ZDHHC11B: variants seen among roughly 807,000 people sequenced by gnomAD.
The protein encoded by ZDHHC11B is zDHHC palmitoyltransferase 11B (putative), also known as probable palmitoyltransferase ZDHHC11B.
Under a neutral mutation model 42.3 loss-of-function variants are expected in ZDHHC11B, and 17 were observed. The ratio of observed to expected loss-of-function variants is 0.40; its 90% CI spans 0.27 to 0.60. The LOEUF (loss-of-function observed/expected upper bound fraction) is 0.60. Among genes scored for constraint, ZDHHC11B ranks in the 20% least tolerant of loss-of-function variants. The pLI is 0.41. For missense variants in ZDHHC11B, 262 were observed against 463.2 expected (o/e 0.57, Z 3.99); for synonymous variants, 123 against 193.5 (o/e 0.64, Z 3.02).
chr5:749,420 G>C (rs1212698368), intron 7 of ZDHHC11B, among the ~76,000 whole-genome samples: 1 of 130,290 alleles, frequency 7.7e-6, no homozygotes, highest in South Asian at 3.3e-4. Flanking sequence ...CAGTGTGGAT[G>C]TCTTTGGGTG....
intron 1 of ZDHHC11B, among the ~76,000 whole-genome samples, chr5:777,394 C>T (rs1736603070): frequency 6.6e-6 from 1 of 151,838 alleles, no homozygotes; most frequent in Non-Finnish European, 1.5e-5. Flanking sequence ...CGTGGTCTGG[C>T]TGGCCTCAAG....
At chr5:775,265 C>T (rs1275039482) in intron 1 of ZDHHC11B, among the ~76,000 whole-genome samples, 1 of 151,976 alleles carries the variant, frequency 6.6e-6, no homozygotes, top group East Asian at 1.9e-4. Context: ...TCTCCAGCTG[C>T]ACCCGCTGAC....
chr5:780,454 C>T (rs1471042442), intron 1 of ZDHHC11B, among the ~76,000 whole-genome samples: 3 of 151,226 alleles, frequency 2.0e-5, no homozygotes, highest in Non-Finnish European at 2.9e-5. Flanking sequence ...ACGGACCACT[C>T]GCGCACACTA....
intron 12 of ZDHHC11B, among the ~76,000 whole-genome samples, chr5:724,827 G>T (rs1742452325): frequency 6.7e-6 from 1 of 148,158 alleles, no homozygotes; most frequent in Non-Finnish European, 1.5e-5. Flanking sequence ...CCTGAACCCA[G>T]CACCTGGAAG....
chr5:783,525 G>C (rs1283413612), intron 1 of ZDHHC11B, among the ~76,000 whole-genome samples: 5 of 152,350 alleles, frequency 3.3e-5, no homozygotes, highest in Middle Eastern at 3.4e-3. Flanking sequence ...GTCCTCTATC[G>C]GTCCCCCAGG....
intron 1 of ZDHHC11B, among the ~76,000 whole-genome samples, chr5:776,469 C>G (rs1418412700): frequency 6.6e-6 from 1 of 151,914 alleles, no homozygotes; most frequent in Admixed American, 6.6e-5. Context: ...GGGTAGGCCC[C>G]TGGCCAGCAG....
intron 13 of ZDHHC11B, among the ~76,000 whole-genome samples, chr5:713,698 C>A (rs1741532356): frequency 6.6e-6 from 1 of 152,136 alleles, no homozygotes; most frequent in African/African-American, 2.4e-5. Flanking sequence ...TTAGGGAGAA[C>A]CTGTTGCTCC....
In ZDHHC11B at chr5:751,698, C is replaced by T. The variant is rs147862199; in HGVS notation, c.504-441G>A. Among the ~76,000 whole-genome samples the T allele has an allele frequency of 1.9e-4, 24 of 128,454 alleles. 4 individuals carry two copies. Among genetic ancestry groups the T allele is most frequent in the South Asian group, 3.5e-4 (1 of 2,858 alleles). 84.3% of individuals were successfully genotyped at this position (128,454 alleles called of 152,430 possible). A position where few individuals can be genotyped will look rare whatever the true frequency, so the allele number is the denominator to read the frequency against. ...CGATGCTGGCCTCAAACCCTGCTCC[C>T]GACCATGCCTGGAAGCTCAGGCTCC... On this transcript the variant is annotated intron_variant, in intron 6 of 13. Transcript: ENST00000508859.
Position 763,532 on chromosome 5 carries a change from A to C in ZDHHC11B, c.222+3166T>G, listed in dbSNP as rs115194519. On this transcript the variant is annotated intron_variant, in intron 4 of 13. Transcript: ENST00000508859. Reference sequence around the variant, plus strand: ...TTGCACTTGGGGAAAAATCCAGCCAAGTCTAGACTGAGGGGCCTCCTGTGG... The same window carrying C: ...TTGCACTTGGGGAAAAATCCAGCCACGTCTAGACTGAGGGGCCTCCTGTGG... 4.4e-3 allele frequency among the ~76,000 whole-genome samples: 659 copies of C among 151,418 alleles called. 5 individuals carry two copies. The highest frequency in any genetic ancestry group is 0.015 in the African/African-American group (613 of 40,950).
At chr5:766,015 C>G (rs1205086748) in intron 4 of ZDHHC11B, among the ~76,000 whole-genome samples, 1 of 151,904 alleles carries the variant, frequency 6.6e-6, no homozygotes, top group South Asian at 2.1e-4. Context: ...AACTGTTCCC[C>G]AGGCCCCTTT....
At chr5:777,862 C>G (rs767118297) in intron 1 of ZDHHC11B, among the ~76,000 whole-genome samples, 71 of 151,760 alleles carry the variant, frequency 4.7e-4, no homozygotes, top group Non-Finnish European at 5.9e-4. Context: ...TGGGACCCGG[C>G]GGGGGCGGCG....
intron 9 of ZDHHC11B, among the ~76,000 whole-genome samples, chr5:743,242 A>G (rs1426577263): frequency 3.4e-5 from 5 of 149,238 alleles, no homozygotes; most frequent in Admixed American, 6.8e-5. Context: ...TCGGCGCCAC[A>G]CTGTTTTTAT....
chr5:742,493 T>G lies in ZDHHC11B; in HGVS notation c.901-865A>C, dbSNP rs1487105972. Among the ~76,000 whole-genome samples the G allele has an allele frequency of 2.9e-5, 3 of 105,220 alleles. 1 individual carries two copies. The highest frequency in any genetic ancestry group is 6.0e-5 in the Non-Finnish European group (3 of 49,746). 69.0% of individuals were successfully genotyped at this position (105,220 alleles called of 152,430 possible). A position where few individuals can be genotyped will look rare whatever the true frequency, so the allele number is the denominator to read the frequency against. On this transcript the variant is annotated intron_variant, in intron 9 of 13. Transcript: ENST00000508859. ...GCTTTACTGCACTTCACAGAAACTG[T>G]TTTTTCACAAATTGAGGGTTTGTGG...
chr5:775,495 G>C (rs191100337), intron 1 of ZDHHC11B, among the ~76,000 whole-genome samples: 1,685 of 151,368 alleles, frequency 0.011, 4 homozygotes, highest in Non-Finnish European at 0.02. Flanking sequence ...CTTGGGAAGG[G>C]ACCAGGCTGG....
Position 748,566 on chromosome 5 carries a change from A to G in ZDHHC11B, c.629-7T>C, listed in dbSNP as rs148303058. 1,159 of 1,360,598 alleles carry G rather than the reference A, an allele frequency of 8.5e-4. 1 individual carries two copies. In the African/African-American group the frequency reaches 0.013, roughly 16 times the overall value. 84.3% of individuals were successfully genotyped at this position (1,360,598 alleles called of 1,614,324 possible). A position where few individuals can be genotyped will look rare whatever the true frequency, so the allele number is the denominator to read the frequency against. Reference sequence around the variant, plus strand: ...GTGTTCATATTCTTGACATCTGGGGAGACAAGGGAGAGACACTGTGTCCAG... The same window carrying G: ...GTGTTCATATTCTTGACATCTGGGGGGACAAGGGAGAGACACTGTGTCCAG... On this transcript the variant is annotated splice_polypyrimidine_tract_variant and splice_region_variant and intron_variant, in intron 7 of 13. Transcript: ENST00000508859.
chr5:721,968 G>A (rs1274487422), intron 12 of ZDHHC11B, among the ~76,000 whole-genome samples: 1 of 151,714 alleles, frequency 6.6e-6, no homozygotes, highest in African/African-American at 2.4e-5. Context: ...TATGCCAGTG[G>A]GGAGAGGACC....
chr5:718,750 G>C (rs1311108352), intron 12 of ZDHHC11B, among the ~76,000 whole-genome samples: 1 of 151,298 alleles, frequency 6.6e-6, no homozygotes, highest in South Asian at 2.1e-4. Flanking sequence ...CTGGTCTTTC[G>C]TGAATGGTGT....
At chr5:760,511 T>C (rs1734463390) in intron 4 of ZDHHC11B, among the ~76,000 whole-genome samples, 1 of 151,592 alleles carries the variant, frequency 6.6e-6, no homozygotes, top group Non-Finnish European at 1.5e-5. Flanking sequence ...GCCCCAGAAC[T>C]GTGAGACCAG....
Position 748,533 on chromosome 5 carries a change from G to A in ZDHHC11B, c.655C>T (p.Leu219=), listed in dbSNP as rs749243248. Residue 219 remains leucine, a synonymous_variant, in exon 8 of 14, where the codon CTG becomes TTG. Transcript: ENST00000508859. ...TGCACCGGGAACAGGGGGAGGAACA[G>A]CAGCCACGTGTTCATATTCTTGACA... ...EDVKNMNTWL[L]FLPLFPVQVQ... 5 of 1,364,920 alleles carry A rather than the reference G, an allele frequency of 3.7e-6. 2 individuals carry two copies. The highest frequency in any genetic ancestry group is 4.9e-6 in the Non-Finnish European group (5 of 1,025,116). 84.6% of individuals were successfully genotyped at this position (1,364,920 alleles called of 1,614,324 possible).
Sources: gnomAD v4.1 joint callset for allele counts (sites outside exome capture counted in the v4.1 genomes callset) on GRCh38, gnomAD v4.1.1 for gene constraint, MANE v1.5 for transcripts, NCBI Gene and HGNC (gene_info 2026-07-23, HGNC 2026-07-21) for gene names.